Variants in ERAP1 observed in about 807,000 individuals in gnomAD.
ERAP1 encodes the protein endoplasmic reticulum aminopeptidase 1.
Under a neutral mutation model 103.7 loss-of-function variants are expected in ERAP1, and 86 were observed. That is an observed-to-expected ratio of 0.83 (90% confidence interval 0.70 to 0.99). The LOEUF (loss-of-function observed/expected upper bound fraction) is 0.99, where lower values mean the gene tolerates loss of function less well. Among genes scored for constraint, ERAP1 ranks in the 50% least tolerant of loss-of-function variants. The pLI is 0.00. For synonymous variants in ERAP1, 398 were observed against 402.4 expected (o/e 0.99, Z 0.13); for missense variants, 1,009 against 1,128.4 (o/e 0.89, Z 1.52).
chr5:96,776,925 T>G (rs1031087423), intron 18 of ERAP1: 1 of 201,678 alleles, frequency 5.0e-6, no homozygotes, highest in African/African-American at 2.4e-5. Context: ...GCAGAGTCTT[T>G]TCTTTGCCAA....
the ERAP1 span, chr5:96,880,043 G>C: frequency 2.8e-4 from 460 of 1,614,140 alleles, 3 homozygotes; most frequent in African/African-American, 5.6e-3. Context: ...AATCACGAAT[G>C]CCACCCTTCA....
the ERAP1 span, chr5:96,902,176 G>A: frequency 2.7e-6 from 2 of 751,566 alleles, no homozygotes; most frequent in East Asian, 2.6e-5. Flanking sequence ...AAGGATGATG[G>A]GTACTTAGGT....
At chr5:96,767,537 G>C in intron 19 of ERAP1, 1 of 1,392,482 alleles carries the variant, frequency 7.2e-7, no homozygotes, top group Non-Finnish European at 1.0e-6. Flanking sequence ...TAGCCATAGG[G>C]GTATTTGGCA....
At chr5:96,813,148 G>A in the ERAP1 span, among the ~76,000 whole-genome samples, 2 of 152,222 alleles carry the variant, frequency 1.3e-5, no homozygotes, top group Non-Finnish European at 2.9e-5. Context: ...AAGCTGTCTG[G>A]ACCATAGGAG....
At chr5:96,792,534 G>T (rs1776846230) in intron 7 of ERAP1, among the ~76,000 whole-genome samples, 1 of 152,096 alleles carries the variant, frequency 6.6e-6, no homozygotes, top group Non-Finnish European at 1.5e-5. Context: ...TCCAATCATT[G>T]TCTGTACTGT....
At chr5:96,827,750 CT>C in the ERAP1 span, among the ~76,000 whole-genome samples, 1 of 152,156 alleles carries the variant, frequency 6.6e-6, no homozygotes, top group African/African-American at 2.4e-5. Context: ...TACTTTTCCC[CT>C]CTACCTCACT....
At chr5:96,843,219 G>C in the ERAP1 span, among the ~76,000 whole-genome samples, 5 of 152,104 alleles carry the variant, frequency 3.3e-5, no homozygotes, top group Non-Finnish European at 7.4e-5. Context: ...GAATTTTCTG[G>C]GGTTTAAATA....
chr5:96,826,377 G>C, the ERAP1 span, among the ~76,000 whole-genome samples: 1 of 152,172 alleles, frequency 6.6e-6, no homozygotes, highest in East Asian at 1.9e-4. Context: ...ATTTCTGAAA[G>C]CTTCAAATAA....
the ERAP1 span, among the ~76,000 whole-genome samples, chr5:96,860,946 A>C: frequency 4.6e-5 from 7 of 151,916 alleles, no homozygotes; most frequent in Non-Finnish European, 7.4e-5. Context: ...GTCTTCATGT[A>C]GAGCTTTCTT....
the ERAP1 span, among the ~76,000 whole-genome samples, chr5:96,921,143 T>C: frequency 1.3e-5 from 2 of 152,216 alleles, no homozygotes; most frequent in African/African-American, 4.8e-5. Flanking sequence ...TTGTCATCTG[T>C]CCCCAGCACT....
the ERAP1 span, among the ~76,000 whole-genome samples, chr5:96,826,596 C>T: frequency 5.8e-4 from 88 of 152,246 alleles, no homozygotes; most frequent in African/African-American, 1.9e-3. Context: ...TGAATTTAGC[C>T]ATCCAGGTTC....
the ERAP1 span, chr5:96,895,257 C>G: frequency 6.2e-7 from 1 of 1,607,408 alleles, no homozygotes; most frequent in Non-Finnish European, 8.5e-7. Flanking sequence ...GGTTTGGCAA[C>G]CTGGTCACAA....
At chr5:96,934,133 G>A in the ERAP1 span, 3 of 152,108 alleles carry the variant, frequency 2.0e-5, no homozygotes, top group African/African-American at 7.2e-5. Context: ...CAGGCATTGG[G>A]GATACAGCCT....
chr5:96,829,238 A>T, the ERAP1 span, among the ~76,000 whole-genome samples: 1 of 152,316 alleles, frequency 6.6e-6, no homozygotes, highest in East Asian at 1.9e-4. Context: ...GTATTGACAT[A>T]ATAGGTTGTT....
chr5:96,783,532 A>G (rs1376150548), intron 14 of ERAP1, among the ~76,000 whole-genome samples: 1 of 152,244 alleles, frequency 6.6e-6, no homozygotes, highest in Non-Finnish European at 1.5e-5. Context: ...TTTTGAGAGC[A>G]AATTATGCAA....
the ERAP1 span, among the ~76,000 whole-genome samples, chr5:96,821,182 G>T: frequency 1.3e-5 from 2 of 152,052 alleles, no homozygotes; most frequent in African/African-American, 4.8e-5. Flanking sequence ...GACCTTCAGC[G>T]GATTGGATGA....
the ERAP1 span, chr5:96,889,193 C>A: frequency 5.6e-6 from 9 of 1,614,148 alleles, no homozygotes; most frequent in Non-Finnish European, 7.6e-6. Flanking sequence ...AGGTGTCCAT[C>A]TATGCATCCC....
intron 11 of ERAP1, among the ~76,000 whole-genome samples, chr5:96,787,335 G>A (rs190367): frequency 0.046 from 7,016 of 151,994 alleles, 218 homozygotes; most frequent in South Asian, 0.11. Flanking sequence ...GTGCGATCTC[G>A]GCTCACTGCA....
the ERAP1 span, among the ~76,000 whole-genome samples, chr5:96,858,751 T>C: frequency 3.3e-5 from 5 of 152,110 alleles, no homozygotes; most frequent in Non-Finnish European, 7.4e-5. Flanking sequence ...AGTCCCCAGG[T>C]TAGATTAATC....
Sources: allele counts gnomAD v4.1 joint callset (sites outside exome capture counted in the v4.1 genomes callset), GRCh38; gene constraint gnomAD v4.1.1; transcripts MANE v1.5; gene names NCBI Gene and HGNC (gene_info 2026-07-23, HGNC 2026-07-21).